Variants in LRP2 observed in about 807,000 individuals in gnomAD.
LRP2 encodes LDL receptor related protein 2, also known as low-density lipoprotein receptor-related protein 2.
Under a neutral mutation model 531.0 loss-of-function variants are expected in LRP2, and 172 were observed. The ratio of observed to expected loss-of-function variants is 0.32; its 90% CI spans 0.29 to 0.37. LRP2 has a LOEUF of 0.37. Among genes scored for constraint, LRP2 ranks in the 10% least tolerant of loss-of-function variants. The pLI is 1.00. For synonymous variants in LRP2, 1,992 were observed against 2,027.6 expected (o/e 0.98, Z 0.47); for missense variants, 5,167 against 5,868.3 (o/e 0.88, Z 3.90).
intron 33 of LRP2, among the ~76,000 whole-genome samples, chr2:169,220,821 C>T (rs1181128376): frequency 6.6e-6 from 1 of 152,080 alleles, no homozygotes; most frequent in African/African-American, 2.4e-5. Flanking sequence ...CAGGAGGGAA[C>T]ATTTTTATGG....
At chr2:169,284,869 C>T (rs1683810292) in intron 9 of LRP2, among the ~76,000 whole-genome samples, 1 of 152,170 alleles carries the variant, frequency 6.6e-6, no homozygotes, top group African/African-American at 2.4e-5. Context: ...ATGCAAGATC[C>T]ATGAGACCAC....
chr2:169,325,054 T>G (rs1685011423), intron 1 of LRP2, among the ~76,000 whole-genome samples: 2 of 149,456 alleles, frequency 1.3e-5, no homozygotes, highest in South Asian at 4.2e-4. Flanking sequence ...TCTAGAAGTT[T>G]TTTTCAAAAA....
intron 58 of LRP2, among the ~76,000 whole-genome samples, 169 bp downstream of exon 58, chr2:169,171,846 T>C (rs1338770440): frequency 1.3e-5 from 2 of 152,160 alleles, no homozygotes; most frequent in African/African-American, 4.8e-5. Flanking sequence ...CTTATGTCTT[T>C]AGTGGAAGAG....
intron 19 of LRP2, among the ~76,000 whole-genome samples, chr2:169,248,537 C>T (rs1008069151): frequency 4.6e-5 from 7 of 152,212 alleles, no homozygotes; most frequent in Non-Finnish European, 1.0e-4. Context: ...GAAGATCTAG[C>T]CCTTTAGTAA....
chr2:169,240,351 G>T (rs1201613076), intron 25 of LRP2, among the ~76,000 whole-genome samples: 1 of 152,178 alleles, frequency 6.6e-6, no homozygotes, highest in Non-Finnish European at 1.5e-5. Flanking sequence ...GGATGCAAAT[G>T]CCTTCTATTT....
Position 169,259,134 on chromosome 2 carries a change from C to G in LRP2, c.2404G>C (p.Asp802His). ...DWISKNLYWT[D>H]SHYKSISVMR... ...ACACTGATACTCTTGTAATGAGAGT[C>G]TGTCCAATAGAGATTCTTTGAAATC... Residue 802 changes from aspartate to histidine, a missense_variant, in exon 17 of 79, where the codon GAC becomes CAC. By Grantham distance (81) the Asp-to-His change is moderately conservative. Transcript: ENST00000649046. 1 of 1,613,116 alleles carries G rather than the reference C, an allele frequency of 6.2e-7. No individual in the cohort carries two copies. Among genetic ancestry groups the G allele is most frequent in the Non-Finnish European group, 8.5e-7 (1 of 1,179,330 alleles).
intron 31 of LRP2, among the ~76,000 whole-genome samples, chr2:169,227,771 G>C (rs1163950909): frequency 6.6e-6 from 1 of 151,928 alleles, no homozygotes; most frequent in Non-Finnish European, 1.5e-5. Flanking sequence ...TATTAACCTA[G>C]GACAAATTTA....
chr2:169,297,488 A>G (rs1161447463), intron 4 of LRP2, among the ~76,000 whole-genome samples: 1 of 152,216 alleles, frequency 6.6e-6, no homozygotes, highest in African/African-American at 2.4e-5. Flanking sequence ...ACAAGTAGCT[A>G]TAAATTAAGC....
In LRP2 at chr2:169,308,832, C is replaced by T. The variant is rs571209159; in HGVS notation, c.311-1435G>A. 5.9e-5 allele frequency among the ~76,000 whole-genome samples: 9 copies of T among 152,294 alleles called. No homozygotes were observed. In the South Asian group the frequency reaches 1.7e-3, roughly 28 times the overall value. On this transcript the variant is annotated intron_variant, in intron 3 of 78. Coordinates refer to ENST00000649046, the MANE Select transcript of LRP2 (RefSeq NM_004525.3). ...CACAATGGTTGAACTAGTTTACAGT[C>T]CCACCAACAGTGTAAAAGTGTTCCT...
intron 21 of LRP2, among the ~76,000 whole-genome samples, chr2:169,245,881 T>A (rs1395842739): frequency 6.6e-6 from 1 of 152,222 alleles, no homozygotes; most frequent in African/African-American, 2.4e-5. Flanking sequence ...TTTGTTTGCT[T>A]ATTTTTTTGA....
intron 37 of LRP2, among the ~76,000 whole-genome samples, chr2:169,210,432 T>A (rs530840879): frequency 4.6e-5 from 7 of 152,358 alleles, no homozygotes; most frequent in Non-Finnish European, 7.3e-5. Context: ...AGATTCTGTA[T>A]CAACTAACAC....
chr2:169,315,881 G>T (rs1684746738), intron 3 of LRP2, among the ~76,000 whole-genome samples: 1 of 150,444 alleles, frequency 6.6e-6, no homozygotes. Flanking sequence ...CCCAGCACTT[G>T]GGGGGCCAAG....
intron 10 of LRP2, 65 bp from the exon 11 acceptor site, chr2:169,280,584 A>T (rs944883509): frequency 2.0e-6 from 3 of 1,482,378 alleles, no homozygotes; most frequent in Non-Finnish European, 2.8e-6. Flanking sequence ...AGTAGCTTAC[A>T]AATGATATGC....
chr2:169,267,875 G>A (rs1386867257), intron 16 of LRP2, among the ~76,000 whole-genome samples: 1 of 151,866 alleles, frequency 6.6e-6, no homozygotes, highest in East Asian at 1.9e-4. Context: ...TAATAAAGAA[G>A]AAAAGAGAGA....
At chr2:169,262,805 A>C (rs1189332580) in intron 16 of LRP2, among the ~76,000 whole-genome samples, 1 of 152,030 alleles carries the variant, frequency 6.6e-6, no homozygotes, top group Non-Finnish European at 1.5e-5. Flanking sequence ...CTAAGCCAAA[A>C]GAACAAAGCT....
chr2:169,260,811 A>G (rs1690515214), intron 16 of LRP2, among the ~76,000 whole-genome samples: 2 of 152,062 alleles, frequency 1.3e-5, no homozygotes, highest in African/African-American at 4.8e-5. Flanking sequence ...AATGTTGAAC[A>G]ACAGATTTAC....
chr2:169,232,737 G>A (rs986131270), intron 30 of LRP2, among the ~76,000 whole-genome samples: 1 of 152,180 alleles, frequency 6.6e-6, no homozygotes, highest in Non-Finnish European at 1.5e-5. Context: ...AAGAGCTAGC[G>A]CAGAAGCTGA....
At chr2:169,290,764 G>A in intron 8 of LRP2, 81 bp downstream of exon 8, 7 of 1,442,426 alleles carry the variant, frequency 4.9e-6, no homozygotes, top group Non-Finnish European at 6.8e-6. Context: ...AATGCCAACA[G>A]ATACACTGTA....
In LRP2 at chr2:169,201,677, A is replaced by G; in HGVS notation, c.8403T>C (p.Asn2801=). Residue 2801 remains asparagine (N), a synonymous_variant, in exon 44 of 79, where the codon AAT becomes AAC. Transcript: ENST00000649046. ...RRCIPREFIC[N]GVDNCHDNNT... ...TATTATCATGGCAGTTGTCTACACC[A>G]TTGCAGATAAACTCACGAGGTATGC... is the stretch of plus-strand genomic sequence containing the variant. The G allele has an allele frequency of 6.2e-7, 1 of 1,614,172 alleles. No individual in the cohort carries two copies. The highest frequency in any genetic ancestry group is 1.1e-5 in the South Asian group (1 of 91,088).
Sources: gnomAD v4.1 joint callset for allele counts (sites outside exome capture counted in the v4.1 genomes callset) on GRCh38, gnomAD v4.1.1 for gene constraint, MANE v1.5 for transcripts, NCBI Gene and HGNC (gene_info 2026-07-23, HGNC 2026-07-21) for gene names.